Variants in MTBP observed in about 807,000 individuals in gnomAD.
MTBP encodes mdm2-binding protein.
MTBP carries 101 observed loss-of-function variants against 117.0 expected under a neutral mutation model. That is an observed-to-expected ratio of 0.86 (90% CI 0.73 to 1.02). MTBP has a LOEUF of 1.02. MTBP is among the 50% of genes least tolerant of loss of function. MTBP has a pLI of 0.00. For missense variants in MTBP, 970 were observed against 1,030.9 expected (o/e 0.94, Z 0.81); for synonymous variants, 350 against 351.5 (o/e 1.00, Z 0.05).
At chr8:120,509,607 C>A (rs1047299913) in intron 16 of MTBP, among the ~76,000 whole-genome samples, 1 of 150,764 alleles carries the variant, frequency 6.6e-6, no homozygotes, top group Non-Finnish European at 1.5e-5. Context: ...GTCCCCACCG[C>A]CCCCCCAAAA....
intron 11 of MTBP, chr8:120,472,174 T>C (rs971063171): frequency 2.0e-5 from 3 of 152,220 alleles, no homozygotes; most frequent in African/African-American, 7.2e-5. Flanking sequence ...TTTTGAGGAA[T>C]ACAGTTTTAA....
intron 10 of MTBP, among the ~76,000 whole-genome samples, chr8:120,469,029 G>A (rs28749840): frequency 0.27 from 40,359 of 151,814 alleles, 6,594 homozygotes; most frequent in Non-Finnish European, 0.37. Flanking sequence ...TTGAGCTTTT[G>A]GGGGTTTATT....
intron 11 of MTBP, among the ~76,000 whole-genome samples, chr8:120,483,129 G>C (rs1814128704): frequency 6.6e-6 from 1 of 151,826 alleles, no homozygotes; most frequent in African/African-American, 2.4e-5. Context: ...CTGATGAATA[G>C]GGTGGGGTAT....
chr8:120,448,005 C>T (rs559586742), intron 2 of MTBP, among the ~76,000 whole-genome samples: 1 of 152,150 alleles, frequency 6.6e-6, no homozygotes, highest in African/African-American at 2.4e-5. Flanking sequence ...TGCTTCACTG[C>T]AGCCTCAACC....
intron 17 of MTBP, among the ~76,000 whole-genome samples, chr8:120,511,158 CTTGT>C (rs1288422269): frequency 6.6e-6 from 1 of 152,112 alleles, no homozygotes; most frequent in Admixed American, 6.6e-5. Flanking sequence ...TAAAGGATTC[CTTGT>C]TTGAGAGGAT....
Position 120,509,901 on chromosome 8 carries a change from CTT to C in MTBP, c.1884-31_1884-30del, listed in dbSNP as rs1468470556. On this transcript the variant is annotated intron_variant, in intron 16 of 21. Coordinates refer to ENST00000305949, the MANE Select transcript of MTBP (RefSeq NM_022045.5). ...AACTTTCTTTTTGTCAGTAAATAAA[CTT>C]TGAATACAAATGAAAAATTTTTTGT... 2.0e-6 allele frequency: 3 copies of C among 1,465,790 alleles called. No individual in the cohort carries two copies. In the African/African-American group the frequency reaches 4.2e-5, roughly 21 times the overall value. The allele number at this position is 1,465,790 out of a possible 1,614,324, so 90.8% of individuals were successfully genotyped here.
chr8:120,518,563 A>G, intron 19 of MTBP, 141 bp from the exon 20 acceptor site: 1 of 545,298 alleles, frequency 1.8e-6, no homozygotes. Context: ...TTTTTTTCTC[A>G]ATCATTTTGT....
intron 9 of MTBP, among the ~76,000 whole-genome samples, chr8:120,462,369 G>A (rs149112324): frequency 3.5e-4 from 54 of 152,294 alleles, no homozygotes; most frequent in Middle Eastern, 3.4e-3. Context: ...TGCGGAGAAA[G>A]TGAGAAGGCC....
rs1333170241 is a variant in MTBP, at chr8:120,463,695, A to G, written c.981A>G (p.Gly327=). Residue 327 remains glycine (G), a synonymous_variant, in exon 10 of 22, where the codon GGA becomes GGG. Coordinates refer to ENST00000305949, the MANE Select transcript of MTBP (RefSeq NM_022045.5). The part of the protein sequence containing the change: ...CYMSDIEFEL[G]LTNSTKQNSV... ...TTTCTTTAACTCCTTAGTACAGAGG[A>G]TTGACAAACAGTACCAAACAGAATT... 8 of 1,609,932 alleles carry G rather than the reference A, an allele frequency of 5.0e-6. No homozygotes were observed. Among genetic ancestry groups the G allele is most frequent in the Non-Finnish European group, 6.8e-6 (8 of 1,177,358 alleles).
At chr8:120,515,194 G>A (rs1479252204) in intron 17 of MTBP, among the ~76,000 whole-genome samples, 1 of 151,920 alleles carries the variant, frequency 6.6e-6, no homozygotes, top group Non-Finnish European at 1.5e-5. Context: ...AGCCATTTGT[G>A]TTTTTTTAAT....
chr8:120,497,211 G>T (rs1814485032), intron 13 of MTBP, among the ~76,000 whole-genome samples, 182 bp from the exon 14 acceptor site: 1 of 152,110 alleles, frequency 6.6e-6, no homozygotes, highest in South Asian at 2.1e-4. Context: ...CACATAACTG[G>T]AAATTCTCCC....
intron 14 of MTBP, among the ~76,000 whole-genome samples, chr8:120,498,192 T>C (rs1814508641): frequency 6.6e-6 from 1 of 152,196 alleles, no homozygotes; most frequent in African/African-American, 2.4e-5. Context: ...TGTTTCGTCA[T>C]GTTTAAAATG....
chr8:120,470,818 A>C lies in MTBP; in HGVS notation c.1048-2A>C. 6.3e-7 allele frequency: 1 copy of C among 1,582,366 alleles called. No individual in the cohort carries two copies. The highest frequency in any genetic ancestry group is 8.7e-7 in the Non-Finnish European group (1 of 1,153,110). On this transcript the variant is annotated splice_acceptor_variant, in intron 10 of 21. Coordinates refer to ENST00000305949, the MANE Select transcript of MTBP (RefSeq NM_022045.5). LOFTEE classifies it high-confidence loss of function. ...AATAAAAATATGGTCTGTTTTATTC[A>C]GGTTGGTGCTCTTTTTGTATTGCCA...
intron 6 of MTBP, 70 bp downstream of exon 6, chr8:120,455,649 T>C: frequency 6.3e-6 from 9 of 1,427,940 alleles, no homozygotes; most frequent in Non-Finnish European, 8.6e-6. Flanking sequence ...ACTATTCTCT[T>C]TTCAGACTCA....
intron 21 of MTBP, 33 bp downstream of exon 21, chr8:120,522,752 A>G (rs761200601): frequency 2.0e-6 from 3 of 1,510,970 alleles, no homozygotes; most frequent in Non-Finnish European, 2.7e-6. Context: ...ACTATATTCA[A>G]TTAAATTGGT....
At chr8:120,510,926 A>G (rs1301753596) in intron 17 of MTBP, among the ~76,000 whole-genome samples, 2 of 150,782 alleles carry the variant, frequency 1.3e-5, no homozygotes, top group African/African-American at 4.8e-5. Flanking sequence ...AAAAAAAAAA[A>G]AAGAATTTGA....
At chr8:120,484,497 A>G (rs1004916096) in intron 11 of MTBP, among the ~76,000 whole-genome samples, 20 of 152,216 alleles carry the variant, frequency 1.3e-4, no homozygotes, top group East Asian at 3.9e-4. Context: ...ATATATATAT[A>G]TGTGTGTATA....
intron 13 of MTBP, among the ~76,000 whole-genome samples, chr8:120,495,135 T>G (rs1290926708): frequency 6.6e-6 from 1 of 152,188 alleles, no homozygotes; most frequent in African/African-American, 2.4e-5. Context: ...AGTCACTTTT[T>G]GAACAAAAGT....
chr8:120,516,713 A>G lies in MTBP; in HGVS notation c.2246+522A>G, dbSNP rs190142017. 8.7e-3 allele frequency among the ~76,000 whole-genome samples: 1,317 copies of G among 152,190 alleles called. 14 individuals are homozygous for G. Among genetic ancestry groups the G allele is most frequent in the South Asian group, 0.031 (149 of 4,826 alleles). ...AAATGAAATATCCAGATACTTGATC[A>G]GAAGTTAGAAGTTTATGTAGTGAAC... is the stretch of plus-strand genomic sequence containing the variant. On this transcript the variant is annotated intron_variant, in intron 18 of 21. Transcript: ENST00000305949.
Sources: allele counts gnomAD v4.1 joint callset (sites outside exome capture counted in the v4.1 genomes callset), GRCh38; gene constraint gnomAD v4.1.1; transcripts MANE v1.5; gene names NCBI Gene and HGNC (gene_info 2026-07-23, HGNC 2026-07-21).